NRG2: variants seen among roughly 807,000 people sequenced by gnomAD.
NRG2 encodes the protein neuregulin 2, also known as pro-neuregulin-2, membrane-bound isoform.
NRG2 carries 27 observed loss-of-function variants against 73.9 expected under a neutral mutation model. The observed-to-expected ratio is 0.37, with a 90% CI of 0.27 to 0.50. NRG2 has a LOEUF of 0.50. Ranked by LOEUF, NRG2 falls within the 20% of genes least tolerant of loss-of-function variation. The pLI is 0.96. For synonymous variants in NRG2, 532 were observed against 541.0 expected, an observed-to-expected ratio of 0.98 and a Z score of 0.23; for missense variants, 1,126 against 1,210.1, an observed-to-expected ratio of 0.93 and a Z score of 1.03.
chr5:139,940,595 TC>T (rs1248212692), intron 1 of NRG2, among the ~76,000 whole-genome samples: 1 of 152,180 alleles, frequency 6.6e-6, no homozygotes, highest in Non-Finnish European at 1.5e-5. Context: ...TGGAATAGAC[TC>T]CAAAGTTCAT....
In NRG2 at chr5:140,042,883, G is replaced by C. The variant is rs1431002225; in HGVS notation, c.187C>G (p.Pro63Ala). 3.9e-6 allele frequency: 6 copies of C among 1,519,060 alleles called. No homozygotes were observed. In the East Asian group the frequency reaches 7.8e-5, roughly 20 times the overall value. The allele number at this position is 1,519,060 out of a possible 1,614,324, so 94.1% of individuals were successfully genotyped here. Reference sequence around the variant, plus strand: ...GGCTGTTGCTGCGGCCGCGGCTCTGGGGGCGCAGCGGGACGAGAGATGCTG... The same window carrying C: ...GGCTGTTGCTGCGGCCGCGGCTCTGCGGGCGCAGCGGGACGAGAGATGCTG... ...NSSISRPAAP[P>A]EPRPQQQPQP... The change falls in exon 1 of 10, where the codon CCA becomes GCA. Residue 63 changes from proline (P) to alanine (A), a missense_variant. This residue lies in a region of NRG2 where 185 missense variants were observed against 149.0 expected (regional missense o/e 1.24). Coordinates refer to ENST00000361474, the MANE Select transcript of NRG2 (RefSeq NM_004883.3).
At chr5:140,005,099 G>A (rs1036597241) in intron 1 of NRG2, among the ~76,000 whole-genome samples, 14 of 152,082 alleles carry the variant, frequency 9.2e-5, no homozygotes, top group Non-Finnish European at 1.8e-4. Context: ...ATGTAGAATT[G>A]GGTGGATTCC....
At chr5:139,873,188 G>A (rs566312248) in intron 3 of NRG2, among the ~76,000 whole-genome samples, 1 of 152,284 alleles carries the variant, frequency 6.6e-6, no homozygotes, top group African/African-American at 2.4e-5. Context: ...GGCAGGGCCG[G>A]CTTCACCATC....
At chr5:139,913,838 A>T (rs550278387) in intron 1 of NRG2, among the ~76,000 whole-genome samples, 5 of 152,296 alleles carry the variant, frequency 3.3e-5, no homozygotes, top group African/African-American at 1.2e-4. Context: ...GTATCCTGGA[A>T]CTTCCTTGGA....
At chr5:139,873,856 G>A (rs1480621638) in intron 3 of NRG2, among the ~76,000 whole-genome samples, 2 of 152,240 alleles carry the variant, frequency 1.3e-5, no homozygotes, top group African/African-American at 4.8e-5. Context: ...TGCTCATCGA[G>A]GCTTTGGGAG....
chr5:139,907,044 G>A (rs958325063), intron 1 of NRG2, among the ~76,000 whole-genome samples: 4 of 152,180 alleles, frequency 2.6e-5, no homozygotes, highest in Non-Finnish European at 5.9e-5. Context: ...ATATGAGTGT[G>A]AGTGTGCACA....
At chr5:139,945,574 C>T (rs1037148228) in intron 1 of NRG2, among the ~76,000 whole-genome samples, 2 of 152,018 alleles carry the variant, frequency 1.3e-5, no homozygotes, top group South Asian at 2.1e-4. Context: ...GAGAACAAAA[C>T]TGGAGGTATT....
intron 1 of NRG2, among the ~76,000 whole-genome samples, chr5:140,034,939 A>C (rs893024989): frequency 1.3e-5 from 2 of 152,168 alleles, no homozygotes; most frequent in Non-Finnish European, 2.9e-5. Context: ...ATATCACCCT[A>C]GGCTGGACGC....
chr5:139,973,664 T>A (rs1756155025), intron 1 of NRG2, among the ~76,000 whole-genome samples: 1 of 152,246 alleles, frequency 6.6e-6, no homozygotes, highest in South Asian at 2.1e-4. Flanking sequence ...GTCTTGCTAA[T>A]GTTCCTCATA....
At chr5:140,006,361 G>A (rs545260440) in intron 1 of NRG2, among the ~76,000 whole-genome samples, 34 of 152,304 alleles carry the variant, frequency 2.2e-4, no homozygotes, top group Admixed American at 1.4e-3. Context: ...GTCAAATGGC[G>A]TAACCATTCT....
chr5:139,996,119 A>C (rs1292085567), intron 1 of NRG2, among the ~76,000 whole-genome samples: 2 of 152,250 alleles, frequency 1.3e-5, no homozygotes, highest in African/African-American at 4.8e-5. Flanking sequence ...TTTACAAGTT[A>C]ATGCACATGT....
At chr5:139,874,971 T>C (rs1470140488) in intron 3 of NRG2, among the ~76,000 whole-genome samples, 2 of 152,236 alleles carry the variant, frequency 1.3e-5, no homozygotes, top group African/African-American at 4.8e-5. Flanking sequence ...CTTCTACTTA[T>C]AGCTATTCTA....
At chr5:140,038,146 A>C (rs961052540) in intron 1 of NRG2, among the ~76,000 whole-genome samples, 3 of 152,166 alleles carry the variant, frequency 2.0e-5, no homozygotes, top group African/African-American at 7.2e-5. Context: ...GAAAAAACTA[A>C]TTGATATTAG....
intron 1 of NRG2, among the ~76,000 whole-genome samples, chr5:139,992,462 G>A (rs1273673792): frequency 6.6e-6 from 1 of 151,792 alleles, no homozygotes; most frequent in Non-Finnish European, 1.5e-5. Flanking sequence ...TCATTCTTTT[G>A]TCTCTCATTT....
At position 139,954,437 on chromosome 5, in the gene NRG2, T is replaced by C. The variant is rs1254335852; in HGVS notation, c.701-66926A>G. Among the ~76,000 whole-genome samples, 6 of 152,212 alleles carry C rather than the reference T, an allele frequency of 3.9e-5. No individual in the cohort carries two copies. The highest frequency in any genetic ancestry group is 1.4e-4 in the African/African-American group (6 of 41,460). Reference sequence around the variant, plus strand: ...CCAGCACTCTCCTGGCTGTCCTGCCTGTTTTCTCCCTTCCAATTCATCCAT... The same window carrying C: ...CCAGCACTCTCCTGGCTGTCCTGCCCGTTTTCTCCCTTCCAATTCATCCAT... On this transcript the variant is annotated intron_variant, in intron 1 of 9. Transcript: ENST00000361474. The surrounding 1 kb of genome is among the most constrained non-coding windows in gnomAD (Gnocchi z 5.0).
chr5:139,877,092 G>A (rs758767917), intron 3 of NRG2, among the ~76,000 whole-genome samples: 2 of 152,154 alleles, frequency 1.3e-5, no homozygotes, highest in Non-Finnish European at 2.9e-5. Flanking sequence ...GACATCAGGG[G>A]CTGGTACAGC....
At chr5:139,924,600 A>G (rs1050035230) in intron 1 of NRG2, among the ~76,000 whole-genome samples, 1 of 152,146 alleles carries the variant, frequency 6.6e-6, no homozygotes, top group African/African-American at 2.4e-5. Flanking sequence ...CATCCTTAAT[A>G]TCCGGAGATT....
At chr5:139,920,576 G>A (rs1471242966) in intron 1 of NRG2, among the ~76,000 whole-genome samples, 1 of 152,038 alleles carries the variant, frequency 6.6e-6, no homozygotes, top group Non-Finnish European at 1.5e-5. Context: ...TTGAGAGTAG[G>A]GATTACACCT....
At chr5:139,871,030 C>G (rs1253116453) in intron 4 of NRG2, 2 of 152,372 alleles carry the variant, frequency 1.3e-5, no homozygotes, top group Admixed American at 1.3e-4. Flanking sequence ...CTGACCTCCC[C>G]CATTGGGCCA....
Sources: allele counts gnomAD v4.1 joint callset (sites outside exome capture counted in the v4.1 genomes callset), GRCh38; gene constraint gnomAD v4.1.1; regional missense constraint gnomAD v4.1.1; non-coding constraint Gnocchi (gnomAD v3.1); transcripts MANE v1.5; gene names NCBI Gene and HGNC (gene_info 2026-07-23, HGNC 2026-07-21).